PRKN: variants seen among roughly 807,000 people sequenced by gnomAD.
PRKN encodes the protein E3 ubiquitin-protein ligase parkin.
Under a neutral mutation model 59.5 loss-of-function variants are expected in PRKN, and 56 were observed. That is an observed-to-expected ratio of 0.94 (90% CI 0.76 to 1.18). The LOEUF (loss-of-function observed/expected upper bound fraction) is 1.18. PRKN is among the 50% of genes most tolerant of loss of function. The pLI, the probability that PRKN is intolerant of heterozygous loss-of-function variation, is 0.00. For synonymous variants in PRKN, 250 were observed against 222.1 expected (o/e 1.13, Z -1.12); for missense variants, 657 against 596.4 (o/e 1.10, Z -1.06).
At chr6:161,950,923 C>T (rs1265396102) in intron 6 of PRKN, among the ~76,000 whole-genome samples, 3 of 150,714 alleles carry the variant, frequency 2.0e-5, no homozygotes, top group East Asian at 2.0e-4. Flanking sequence ...AAACAAGAAT[C>T]GGAATGGCTG....
chr6:162,467,451 C>G (rs1791479522), intron 1 of PRKN, among the ~76,000 whole-genome samples: 1 of 152,132 alleles, frequency 6.6e-6, no homozygotes, highest in Non-Finnish European at 1.5e-5. Flanking sequence ...AATGAGGAAA[C>G]AGCACCATGA....
At chr6:161,804,109 T>C (rs1298738782) in intron 6 of PRKN, among the ~76,000 whole-genome samples, 1 of 152,210 alleles carries the variant, frequency 6.6e-6, no homozygotes, top group Admixed American at 6.5e-5. Flanking sequence ...GGTTTCAATG[T>C]CAATGAAGGT....
At chr6:161,801,676 C>T (rs538321892) in intron 6 of PRKN, among the ~76,000 whole-genome samples, 15 of 152,234 alleles carry the variant, frequency 9.9e-5, no homozygotes, top group East Asian at 1.9e-4. Flanking sequence ...TTAGATCAGC[C>T]GGTTTTAACC....
chr6:162,154,204 G>A (rs939526739), intron 4 of PRKN, among the ~76,000 whole-genome samples: 9 of 152,114 alleles, frequency 5.9e-5, no homozygotes, highest in African/African-American at 1.4e-4. Flanking sequence ...GAAGACACCC[G>A]CATCGCCTCT....
chr6:161,588,097 T>C lies in PRKN; in HGVS notation c.872-18681A>G, dbSNP rs1476776871. 6.6e-6 allele frequency among the ~76,000 whole-genome samples: 1 copy of C among 152,164 alleles called. No homozygotes were observed. Among genetic ancestry groups the C allele is most frequent in the Non-Finnish European group, 1.5e-5 (1 of 68,012 alleles). On this transcript the variant is annotated intron_variant, in intron 7 of 11. Coordinates refer to ENST00000366898, the MANE Select transcript of PRKN (RefSeq NM_004562.3). The surrounding 1 kb of genome is among the most constrained non-coding windows in gnomAD (Gnocchi z 5.0). ...AATTATTAGGATTAAAAATTTACTC[T>C]ATGGGGGGCTGGGCGCGGTGGCTCA...
intron 6 of PRKN, among the ~76,000 whole-genome samples, chr6:161,860,666 T>G (rs1009420217): frequency 1.3e-5 from 2 of 152,154 alleles, no homozygotes; most frequent in Non-Finnish European, 2.9e-5. Flanking sequence ...GTGGGTAGAT[T>G]GCAAAAATTA....
rs150376998 is a variant in PRKN at position 162,312,576 on chromosome 6, T to C, written c.172-49811A>G. Reference sequence around the variant, plus strand: ...TGGCATTCCATTATTAATTACTCGTTAGGAGAAATGTGTGGGATGACAGGG... The same window carrying C: ...TGGCATTCCATTATTAATTACTCGTCAGGAGAAATGTGTGGGATGACAGGG... On this transcript the variant is annotated intron_variant, in intron 2 of 11. Coordinates refer to ENST00000366898, the MANE Select transcript of PRKN (RefSeq NM_004562.3). 1.7e-3 allele frequency among the ~76,000 whole-genome samples: 261 copies of C among 152,228 alleles called. 3 individuals are homozygous for C. In the East Asian group the frequency reaches 0.023, roughly 13 times the overall value.
chr6:162,256,077 G>A (rs906504657), intron 3 of PRKN, among the ~76,000 whole-genome samples: 1 of 152,112 alleles, frequency 6.6e-6, no homozygotes, highest in East Asian at 1.9e-4. Context: ...AGGAAGAATT[G>A]TAAGATCTTA....
At chr6:162,390,945 T>C (rs1325718322) in intron 2 of PRKN, among the ~76,000 whole-genome samples, 2 of 152,152 alleles carry the variant, frequency 1.3e-5, no homozygotes, top group Non-Finnish European at 2.9e-5. Context: ...TTAACGTAAG[T>C]CAAATATTTG....
chr6:162,263,886 A>AC (rs953444899), intron 2 of PRKN, among the ~76,000 whole-genome samples: 3 of 132,494 alleles, frequency 2.3e-5, no homozygotes, highest in Admixed American at 7.9e-5. Flanking sequence ...CGCCACCCCC[A>AC]CCCCCCCAAC....
chr6:162,658,213 T>G (rs1192696844), intron 1 of PRKN, among the ~76,000 whole-genome samples: 1 of 152,248 alleles, frequency 6.6e-6, no homozygotes, highest in Non-Finnish European at 1.5e-5. Context: ...AAGTTTGTAC[T>G]GAGCAAGCAT....
At chr6:161,766,311 C>A (rs1789418935) in intron 7 of PRKN, among the ~76,000 whole-genome samples, 1 of 89,564 alleles carries the variant, frequency 1.1e-5, no homozygotes, top group Non-Finnish European at 2.5e-5. Flanking sequence ...TGTCATTGAC[C>A]ACATTTTTTT....
At chr6:161,510,679 A>G (rs984955008) in intron 9 of PRKN, among the ~76,000 whole-genome samples, 3 of 152,230 alleles carry the variant, frequency 2.0e-5, no homozygotes, top group African/African-American at 7.2e-5. Flanking sequence ...AAGAGACCCA[A>G]GAGAGTCAAT....
chr6:162,277,026 C>T (rs1780666083), intron 2 of PRKN, among the ~76,000 whole-genome samples: 1 of 151,988 alleles, frequency 6.6e-6, no homozygotes. Context: ...AAAAAGTATA[C>T]GTGTGAGGAG....
intron 5 of PRKN, among the ~76,000 whole-genome samples, chr6:162,003,163 A>G (rs991310390): frequency 6.6e-6 from 1 of 150,470 alleles, no homozygotes; most frequent in Non-Finnish European, 1.5e-5. Context: ...AGAAAATCCC[A>G]GAATCATACA....
chr6:162,130,899 C>T (rs1781324894), intron 4 of PRKN, among the ~76,000 whole-genome samples: 1 of 151,908 alleles, frequency 6.6e-6, no homozygotes, highest in Non-Finnish European at 1.5e-5. Context: ...AAAATGGATC[C>T]TCACCAAATA....
chr6:162,590,115 C>A (rs1159128115), intron 1 of PRKN, among the ~76,000 whole-genome samples: 3 of 152,092 alleles, frequency 2.0e-5, no homozygotes, highest in African/African-American at 7.2e-5. Flanking sequence ...TCCAAAAGTG[C>A]CAGATGTCTT....
chr6:162,692,123 T>C (rs1343410497), intron 1 of PRKN, among the ~76,000 whole-genome samples: 2 of 150,642 alleles, frequency 1.3e-5, no homozygotes, highest in African/African-American at 2.4e-5. Context: ...GCCTGCACAA[T>C]GTGCACATGT....
At chr6:161,534,439 AGCTCCT>A (rs1779336690) in intron 9 of PRKN, among the ~76,000 whole-genome samples, 1 of 152,218 alleles carries the variant, frequency 6.6e-6, no homozygotes, top group African/African-American at 2.4e-5. Context: ...AATAGAAGGC[AGCTCCT>A]GCTCACCCCA....
Sources: gnomAD v4.1 joint callset for allele counts (sites outside exome capture counted in the v4.1 genomes callset) on GRCh38, gnomAD v4.1.1 for gene constraint, Gnocchi (gnomAD v3.1) non-coding constraint, MANE v1.5 for transcripts, NCBI Gene and HGNC (gene_info 2026-07-23, HGNC 2026-07-21) for gene names.